The following TF variants were observed in gnomAD, a reference collection of about 807,000 sequenced individuals.
The protein encoded by TF is serotransferrin.
Under a neutral mutation model 82.4 loss-of-function variants are expected in TF, and 55 were observed. The observed-to-expected ratio is 0.67, with a 90% CI of 0.54 to 0.84. The LOEUF (loss-of-function observed/expected upper bound fraction) is 0.84, where lower values mean the gene tolerates loss of function less well. Ranked by LOEUF, TF falls within the 40% of genes least tolerant of loss-of-function variation. The pLI is 0.00. For synonymous variants in TF, 332 were observed against 332.6 expected (o/e 1.00, Z 0.02); for missense variants, 737 against 868.4 (o/e 0.85, Z 1.90).
At chr3:133,768,320 G>A (rs1934178345) in intron 13 of TF, among the ~76,000 whole-genome samples, 156 bp downstream of exon 13, 1 of 152,180 alleles carries the variant, frequency 6.6e-6, no homozygotes, top group South Asian at 2.1e-4. Context: ...ACATGGGGAG[G>A]GGCAGCCAGA....
At chr3:133,739,020 A>T in the TF span, among the ~76,000 whole-genome samples, 3 of 152,224 alleles carry the variant, frequency 2.0e-5, no homozygotes, top group Non-Finnish European at 4.4e-5. Flanking sequence ...ATCCTAAGCC[A>T]AAAGAACAAA....
At chr3:133,675,138 C>T in the TF span, among the ~76,000 whole-genome samples, 3,665 of 149,368 alleles carry the variant, frequency 0.025, 58 homozygotes, top group Middle Eastern at 0.041. Flanking sequence ...CCAGCTACTC[C>T]GGAGGCTGAG....
chr3:133,749,228 A>T (rs914643449), intron 2 of TF, among the ~76,000 whole-genome samples: 4 of 152,218 alleles, frequency 2.6e-5, no homozygotes, highest in African/African-American at 9.6e-5. Context: ...GCAGCTTTTG[A>T]TACACAACTG....
chr3:133,794,353 C>T lies in TF; in HGVS notation c.*15733C>T, dbSNP rs1181650211. ...AAAACAATCAAAGCTTCAGGTACATCCAGTCACCTGATAGGCCATTTAAAC... is the reference window on the plus strand; with the variant it reads ...AAAACAATCAAAGCTTCAGGTACATTCAGTCACCTGATAGGCCATTTAAAC... On this transcript the variant is annotated 3_prime_UTR_variant, in exon 17 of 17. Coordinates refer to ENST00000402696, the MANE Select transcript of TF (RefSeq NM_001063.4). 6.6e-6 allele frequency: 1 copy of T among 152,198 alleles called. No homozygotes were observed. The highest frequency in any genetic ancestry group is 2.4e-5 in the African/African-American group (1 of 41,450). 9.4% of individuals were successfully genotyped at this position (152,198 alleles called of 1,614,324 possible). A position where few individuals can be genotyped will look rare whatever the true frequency, so the allele number is the denominator to read the frequency against.
chr3:133,689,392 A>G, the TF span, among the ~76,000 whole-genome samples: 1 of 152,140 alleles, frequency 6.6e-6, no homozygotes, highest in Non-Finnish European at 1.5e-5. Flanking sequence ...AGTGAATAAT[A>G]TTTATTAACA....
chr3:133,739,337 C>T, the TF span, among the ~76,000 whole-genome samples: 9 of 152,050 alleles, frequency 5.9e-5, no homozygotes, highest in Admixed American at 5.9e-4. Flanking sequence ...AAGACTTAAA[C>T]ATAAGACCTA....
At chr3:133,740,397 C>T in the TF span, among the ~76,000 whole-genome samples, 1 of 152,088 alleles carries the variant, frequency 6.6e-6, no homozygotes, top group Non-Finnish European at 1.5e-5. Context: ...GATCTCAGCT[C>T]ACTGCAACCT....
the TF span, chr3:133,699,415 G>A: frequency 6.5e-3 from 7,483 of 1,147,516 alleles, 371 homozygotes; most frequent in African/African-American, 0.1. Flanking sequence ...GCTCTCCTGC[G>A]TTAGGCTCAC....
At chr3:133,748,710 A>G in intron 2 of TF, 126 bp downstream of exon 2, 1 of 1,236,506 alleles carries the variant, frequency 8.1e-7, no homozygotes, top group Non-Finnish European at 1.2e-6. Flanking sequence ...TTGACTTACT[A>G]AAATCACTTC....
chr3:133,766,306 A>G lies in TF; in HGVS notation c.1359A>G (p.Lys453=), dbSNP rs1934125222. Residue 453 remains lysine, a synonymous_variant, in exon 12 of 17, where the codon AAA becomes AAG. Transcript: ENST00000402696. Reference sequence around the variant, plus strand: ...ATTTTGCTATAGCAGTGGTGAAGAAATCAGCTTCTGACCTCACCTGGGACA... The same window carrying G: ...ATTTTGCTATAGCAGTGGTGAAGAAGTCAGCTTCTGACCTCACCTGGGACA... The part of the protein sequence containing the change: ...AGYFAIAVVK[K]SASDLTWDNL... 1 of 1,614,182 alleles carries G rather than the reference A, an allele frequency of 6.2e-7. No homozygotes were observed. Among genetic ancestry groups the G allele is most frequent in the East Asian group, 2.2e-5 (1 of 44,884 alleles).
chr3:133,674,608 C>A, the TF span, among the ~76,000 whole-genome samples: 1 of 152,190 alleles, frequency 6.6e-6, no homozygotes, highest in Non-Finnish European at 1.5e-5. Flanking sequence ...GAGAATGAGG[C>A]TCGCTATCTG....
intron 9 of TF, among the ~76,000 whole-genome samples, chr3:133,762,958 C>T (rs1297235984): frequency 6.6e-6 from 1 of 152,188 alleles, no homozygotes; most frequent in East Asian, 1.9e-4. Context: ...TAGATTTTTA[C>T]TTCTTAAGAC....
chr3:133,695,242 GT>G, the TF span, among the ~76,000 whole-genome samples: 1 of 129,474 alleles, frequency 7.7e-6, no homozygotes, highest in Non-Finnish European at 1.6e-5. Context: ...AGAGGAGCTG[GT>G]TCTTTTTTTT....
rs142845028 is a variant in TF at position 133,786,728 on chromosome 3, G to T, written c.*8108G>T. On this transcript the variant is annotated 3_prime_UTR_variant, in exon 17 of 17. Coordinates refer to ENST00000402696, the MANE Select transcript of TF (RefSeq NM_001063.4). ...CCAGTGGGTTGATGGAGATGGGAAG[G>T]TGTAGGCCAGAATGTTCATACTTGG... 2 of 152,346 alleles carry T rather than the reference G, an allele frequency of 1.3e-5. No homozygotes were observed. The highest frequency in any genetic ancestry group is 4.8e-5 in the African/African-American group (2 of 41,584). The allele number at this position is 152,346 out of a possible 1,614,324, so 9.4% of individuals were successfully genotyped here.
chr3:133,735,983 C>T, the TF span, among the ~76,000 whole-genome samples: 1 of 152,056 alleles, frequency 6.6e-6, no homozygotes, highest in African/African-American at 2.4e-5. Context: ...TCAAAAAGAC[C>T]AACCACAAGC....
the TF span, among the ~76,000 whole-genome samples, chr3:133,675,476 T>C: frequency 1.5e-3 from 221 of 152,332 alleles, 3 homozygotes; most frequent in African/African-American, 5.1e-3. Flanking sequence ...ATTCTGAGCA[T>C]ACACACAGAC....
chr3:133,664,758 AT>A, the TF span, among the ~76,000 whole-genome samples: 3 of 152,194 alleles, frequency 2.0e-5, no homozygotes, highest in Non-Finnish European at 2.9e-5. Context: ...CAAATTTTAC[AT>A]AAAAATTGTA....
chr3:133,735,251 A>C, the TF span, among the ~76,000 whole-genome samples: 1 of 151,786 alleles, frequency 6.6e-6, no homozygotes, highest in African/African-American at 2.4e-5. Context: ...TGACACAGAG[A>C]ATTGCTTGAA....
the TF span, among the ~76,000 whole-genome samples, chr3:133,736,631 C>CAAAAAAGAAAAAAAAAAAAAAAAAAAA: frequency 9.2e-4 from 30 of 32,560 alleles, 5 homozygotes; most frequent in Non-Finnish European, 1.2e-3. Flanking sequence ...AATGGAAAGC[C>CAAAAAAGAAAAAAAAAAAAAAAAAAAA]AAAAAAAAAA....
Sources: gnomAD v4.1 joint callset for allele counts (sites outside exome capture counted in the v4.1 genomes callset) on GRCh38, gnomAD v4.1.1 for gene constraint, MANE v1.5 for transcripts, NCBI Gene and HGNC (gene_info 2026-07-23, HGNC 2026-07-21) for gene names.